The following VPS4B variants were observed in gnomAD, a reference collection of about 807,000 sequenced individuals.
VPS4B encodes vacuolar protein sorting 4 homolog B.
VPS4B carries 23 observed loss-of-function variants against 56.1 expected under a neutral mutation model. That is an observed-to-expected ratio of 0.41 (90% CI 0.30 to 0.58). The LOEUF is 0.58. Among genes scored for constraint, VPS4B ranks in the 20% least tolerant of loss-of-function variants. VPS4B has a pLI of 0.29. For synonymous variants in VPS4B, 177 were observed against 186.0 expected (o/e 0.95, Z 0.39); for missense variants, 372 against 531.9 (o/e 0.70, Z 2.96).
intron 10 of VPS4B, 118 bp downstream of exon 10, chr18:63,393,291 C>T: frequency 3.2e-6 from 3 of 938,486 alleles, no homozygotes; most frequent in Non-Finnish European, 4.3e-6. Context: ...AATGAGTCAA[C>T]AATATTAAGT....
chr18:63,417,732 T>A (rs1001580418), intron 1 of VPS4B, among the ~76,000 whole-genome samples: 1 of 152,166 alleles, frequency 6.6e-6, no homozygotes, highest in African/African-American at 2.4e-5. Context: ...AGAAGAGCAG[T>A]TCTGTCTGTT....
intron 4 of VPS4B, chr18:63,404,534 GT>G (rs1292916094): frequency 6.6e-6 from 1 of 152,306 alleles, no homozygotes; most frequent in Admixed American, 6.5e-5. Context: ...TCTGAATGCA[GT>G]ATATTCAAAA....
At chr18:63,410,243 T>C in intron 3 of VPS4B, 47 bp downstream of exon 3, 1 of 1,599,446 alleles carries the variant, frequency 6.3e-7, no homozygotes, top group Non-Finnish European at 8.5e-7. Flanking sequence ...ATTTCACAAA[T>C]CGAAAGCAAA....
At chr18:63,408,182 T>A (rs1044730561) in intron 3 of VPS4B, among the ~76,000 whole-genome samples, 14 of 152,248 alleles carry the variant, frequency 9.2e-5, no homozygotes, top group African/African-American at 3.4e-4. Context: ...TTGCAACATT[T>A]AAACGTGATG....
chr18:63,411,499 T>C lies in VPS4B; in HGVS notation c.107A>G (p.His36Arg), dbSNP rs1284114900. The change falls in exon 2 of 11, where the codon CAT (histidine) becomes CGT (arginine). Residue 36 changes from histidine to arginine, a missense_variant. By Grantham distance (29) the His-to-Arg change is conservative (BLOSUM62 0). Transcript: ENST00000238497. ...NYEEALQLYQHAVQYFLHVVK... is the reference protein window; with the variant it reads ...NYEEALQLYQRAVQYFLHVVK... ...GACATGAAGAAAATACTGCACAGCA[T>C]GCTGATAGAGCTGAAGGGCTTCTTC... The C allele has an allele frequency of 3.1e-6, 5 of 1,599,884 alleles. No homozygotes were observed. Among genetic ancestry groups the C allele is most frequent in the Admixed American group, 1.7e-5 (1 of 57,782 alleles).
intron 1 of VPS4B, among the ~76,000 whole-genome samples, chr18:63,411,943 G>A (rs1277502389): frequency 1.7e-4 from 26 of 152,118 alleles, no homozygotes; most frequent in Admixed American, 1.7e-3. Flanking sequence ...CAAGCATTTA[G>A]AGAAATTCTC....
At chr18:63,404,471 C>G (rs1915875544) in intron 4 of VPS4B, 1 of 152,066 alleles carries the variant, frequency 6.6e-6, no homozygotes, top group Non-Finnish European at 1.5e-5. Context: ...CTAAATAGAT[C>G]TATTTACAAC....
chr18:63,398,771 G>A (rs1167037085), intron 8 of VPS4B, among the ~76,000 whole-genome samples: 1 of 149,938 alleles, frequency 6.7e-6, no homozygotes, highest in African/African-American at 2.5e-5. Context: ...GGAGGTGGAG[G>A]ATGCAGTGAG....
At chr18:63,402,897 C>G (rs1445855762) in intron 5 of VPS4B, among the ~76,000 whole-genome samples, 1 of 152,144 alleles carries the variant, frequency 6.6e-6, no homozygotes, top group East Asian at 1.9e-4. Flanking sequence ...GCCAACATTG[C>G]AGATTTGCTG....
chr18:63,417,233 A>T (rs866295748), intron 1 of VPS4B, among the ~76,000 whole-genome samples: 5 of 152,226 alleles, frequency 3.3e-5, no homozygotes, highest in African/African-American at 9.6e-5. Context: ...CTTATTTGAC[A>T]AAACACTGTT....
chr18:63,393,745 G>GT lies in VPS4B; in HGVS notation c.1093-197dup, dbSNP rs1043352581. Among the ~76,000 whole-genome samples, 62 of 149,032 alleles carry GT rather than the reference G, an allele frequency of 4.2e-4. 1 individual carries two copies. The highest frequency in any genetic ancestry group is 6.9e-3 in the Middle Eastern group (2 of 290). On this transcript the variant is annotated intron_variant, in intron 9 of 10. Transcript: ENST00000238497. ...ATGGGATAGATTTTGGTTGCTTTTA[G>GT]TTTTTTTTTTGAAAGGGCGTCTTGC...
chr18:63,413,814 T>A (rs1347794301), intron 1 of VPS4B, among the ~76,000 whole-genome samples: 1 of 152,202 alleles, frequency 6.6e-6, no homozygotes, highest in African/African-American at 2.4e-5. Context: ...TGGGCTGAGA[T>A]CTGTAAATGG....
At chr18:63,398,851 C>T (rs1001422747) in intron 8 of VPS4B, among the ~76,000 whole-genome samples, 2 of 151,142 alleles carry the variant, frequency 1.3e-5, no homozygotes, top group African/African-American at 4.9e-5. Flanking sequence ...AAAAAAAAAT[C>T]TTACCTGGTT....
chr18:63,395,381 G>A (rs999049661), intron 9 of VPS4B, among the ~76,000 whole-genome samples: 1 of 152,186 alleles, frequency 6.6e-6, no homozygotes, highest in Non-Finnish European at 1.5e-5. Context: ...GAAGTACCAC[G>A]ACTGGTGTTT....
intron 1 of VPS4B, among the ~76,000 whole-genome samples, chr18:63,414,990 A>C (rs921747431): frequency 7.9e-5 from 12 of 152,358 alleles, no homozygotes; most frequent in Non-Finnish European, 1.3e-4. Context: ...GAGCACTTGA[A>C]ATGTGGCTAG....
chr18:63,396,955 A>T, intron 9 of VPS4B, 79 bp downstream of exon 9: 1 of 1,419,738 alleles, frequency 7.0e-7, no homozygotes, highest in Non-Finnish European at 9.7e-7. Flanking sequence ...GTGCCACTGC[A>T]CTCCAGCCTG....
intron 1 of VPS4B, among the ~76,000 whole-genome samples, chr18:63,418,632 C>G (rs1350058480): frequency 6.6e-6 from 1 of 152,174 alleles, no homozygotes; most frequent in Non-Finnish European, 1.5e-5. Flanking sequence ...AAGTCCTAAG[C>G]TGAAGCGATC....
chr18:63,392,027 A>G (rs1915558929), intron 10 of VPS4B, among the ~76,000 whole-genome samples: 1 of 152,196 alleles, frequency 6.6e-6, no homozygotes, highest in African/African-American at 2.4e-5. Context: ...GATTAAAACA[A>G]AGGGGTTTCT....
Position 63,390,784 on chromosome 18 carries a change from CT to C in VPS4B, c.*190del, listed in dbSNP as rs769892106. On this transcript the variant is annotated 3_prime_UTR_variant, in exon 11 of 11. Coordinates refer to ENST00000238497, the MANE Select transcript of VPS4B (RefSeq NM_004869.4). ...TTCCTCATAACCTGTTATTTTGTAC[CT>C]TTTGTTAATAGGAGTATTTAATAAG... The C allele has an allele frequency of 6.1e-5, 26 of 428,672 alleles. No individual in the cohort carries two copies. Among genetic ancestry groups the C allele is most frequent in the Non-Finnish European group, 9.2e-5 (22 of 239,796 alleles). 26.6% of individuals were successfully genotyped at this position (428,672 alleles called of 1,614,324 possible).
Sources: gnomAD v4.1 joint callset for allele counts (sites outside exome capture counted in the v4.1 genomes callset) on GRCh38, gnomAD v4.1.1 for gene constraint, MANE v1.5 for transcripts, NCBI Gene and HGNC (gene_info 2026-07-23, HGNC 2026-07-21) for gene names.